The following CACNA2D3 variants were observed in gnomAD, a reference collection of about 807,000 sequenced individuals.
The protein encoded by CACNA2D3 is voltage-dependent calcium channel subunit alpha-2/delta-3.
A neutral mutation model predicts 160.6 loss-of-function variants in CACNA2D3; 60 were observed. The observed-to-expected ratio is 0.37, with a 90% CI of 0.30 to 0.46. The LOEUF is 0.46. Ranked by LOEUF, CACNA2D3 falls within the 20% of genes least tolerant of loss-of-function variation. The pLI is 1.00. For missense variants in CACNA2D3, 1,205 were observed against 1,365.0 expected, an observed-to-expected ratio of 0.88 and a Z score of 1.85; for synonymous variants, 558 against 492.9, an observed-to-expected ratio of 1.13 and a Z score of -1.75.
At chr3:54,546,283 A>T (rs1218071880) in intron 5 of CACNA2D3, among the ~76,000 whole-genome samples, 2 of 152,084 alleles carry the variant, frequency 1.3e-5, no homozygotes, top group African/African-American at 4.8e-5. Flanking sequence ...CCACAAAACC[A>T]TTTTTACCCC....
Position 54,664,154 on chromosome 3 carries a change from T to C in CACNA2D3, c.1167+21913T>C, listed in dbSNP as rs951947284. On this transcript the variant is annotated intron_variant, in intron 11 of 37. Coordinates refer to ENST00000474759, the MANE Select transcript of CACNA2D3 (RefSeq NM_018398.3). ...CCAGCTTCAGGCCTTCTGGGGTAGC[T>C]TTCTGGAATGCTATCTTGGATAGGC... Among the ~76,000 whole-genome samples the C allele has an allele frequency of 3.3e-5, 5 of 152,310 alleles. No homozygotes were observed. In the East Asian group the frequency reaches 9.7e-4, roughly 29 times the overall value.
At chr3:54,164,866 C>T (rs982572510) in intron 2 of CACNA2D3, among the ~76,000 whole-genome samples, 2 of 152,198 alleles carry the variant, frequency 1.3e-5, no homozygotes, top group Non-Finnish European at 2.9e-5. Flanking sequence ...GTTAGTTTCC[C>T]TTTCGTGATT....
intron 24 of CACNA2D3, among the ~76,000 whole-genome samples, chr3:54,891,028 A>G (rs1175188983): frequency 6.6e-6 from 1 of 152,148 alleles, no homozygotes; most frequent in African/African-American, 2.4e-5. Context: ...GATCTCTTTG[A>G]ACTTGCACCC....
intron 11 of CACNA2D3, among the ~76,000 whole-genome samples, chr3:54,706,062 A>G (rs559887504): frequency 4.5e-4 from 68 of 152,346 alleles, no homozygotes; most frequent in African/African-American, 1.6e-3. Flanking sequence ...CATAAGGCCA[A>G]ATCAACTGGA....
At chr3:55,003,006 C>T (rs1281785296) in intron 31 of CACNA2D3, among the ~76,000 whole-genome samples, 2 of 152,256 alleles carry the variant, frequency 1.3e-5, no homozygotes, top group East Asian at 3.9e-4. Flanking sequence ...AAACTGAATG[C>T]CTTCTGTATG....
At chr3:54,464,767 G>T (rs1176959884) in intron 4 of CACNA2D3, among the ~76,000 whole-genome samples, 1 of 152,154 alleles carries the variant, frequency 6.6e-6, no homozygotes, top group Admixed American at 6.5e-5. Flanking sequence ...CTAGCGCACG[G>T]TGCGCTGCAC....
At chr3:54,466,407 G>A (rs2106860777) in intron 4 of CACNA2D3, among the ~76,000 whole-genome samples, 1 of 152,156 alleles carries the variant, frequency 6.6e-6, no homozygotes, top group Non-Finnish European at 1.5e-5. Flanking sequence ...ACCCATTGTT[G>A]TAAAGAAACC....
chr3:54,849,786 A>C (rs541090443), intron 17 of CACNA2D3, among the ~76,000 whole-genome samples: 1 of 152,276 alleles, frequency 6.6e-6, no homozygotes, highest in Admixed American at 6.5e-5. Context: ...AGGACACAGC[A>C]AGCTGACTTA....
intron 13 of CACNA2D3, among the ~76,000 whole-genome samples, chr3:54,785,512 T>C (rs902278779): frequency 6.6e-6 from 1 of 152,214 alleles, no homozygotes; most frequent in Non-Finnish European, 1.5e-5. Context: ...TGGGAACAGA[T>C]CTCTTATGTT....
chr3:54,307,298 G>A (rs760503570), intron 2 of CACNA2D3, among the ~76,000 whole-genome samples: 6 of 152,144 alleles, frequency 3.9e-5, no homozygotes, highest in South Asian at 2.1e-4. Context: ...GCATCTCAGC[G>A]TAGGGATGGC....
chr3:54,698,555 C>T (rs889584755), intron 11 of CACNA2D3, among the ~76,000 whole-genome samples: 6 of 152,046 alleles, frequency 3.9e-5, no homozygotes, highest in African/African-American at 9.7e-5. Context: ...ATTTTGAAAA[C>T]GCTAAACACC....
intron 13 of CACNA2D3, among the ~76,000 whole-genome samples, chr3:54,815,984 G>T (rs1258682695): frequency 1.3e-5 from 2 of 152,184 alleles, no homozygotes; most frequent in Non-Finnish European, 2.9e-5. Context: ...TAATACTGTG[G>T]AATTAAACCG....
chr3:54,933,760 C>CTT (rs34842038), intron 27 of CACNA2D3, among the ~76,000 whole-genome samples: 2 of 141,170 alleles, frequency 1.4e-5, no homozygotes, highest in Non-Finnish European at 3.1e-5. Flanking sequence ...ATTACTATTA[C>CTT]TTTTTTTTTT....
intron 27 of CACNA2D3, among the ~76,000 whole-genome samples, chr3:54,934,753 G>T (rs1701287447): frequency 1.3e-5 from 2 of 152,080 alleles, no homozygotes; most frequent in Non-Finnish European, 2.9e-5. Flanking sequence ...TTTTTGTTGA[G>T]ACAGAGTGTC....
At chr3:54,926,847 G>A (rs1159288796) in intron 27 of CACNA2D3, among the ~76,000 whole-genome samples, 1 of 151,768 alleles carries the variant, frequency 6.6e-6, no homozygotes, top group South Asian at 2.1e-4. Flanking sequence ...TGCAGGAACT[G>A]GGAGAGGGTC....
At chr3:54,238,738 C>T (rs182692787) in intron 2 of CACNA2D3, among the ~76,000 whole-genome samples, 108 of 152,278 alleles carry the variant, frequency 7.1e-4, no homozygotes, top group African/African-American at 2.4e-3. Flanking sequence ...ATGAAGACCC[C>T]TAAACAGAAG....
At chr3:54,224,944 T>TC (rs1479872291) in intron 2 of CACNA2D3, among the ~76,000 whole-genome samples, 3 of 151,034 alleles carry the variant, frequency 2.0e-5, no homozygotes, top group Non-Finnish European at 4.4e-5. Flanking sequence ...GAATATCTTT[T>TC]TTTTTTTTTT....
intron 2 of CACNA2D3, among the ~76,000 whole-genome samples, chr3:54,200,258 G>T (rs1354401959): frequency 6.6e-6 from 1 of 152,210 alleles, no homozygotes; most frequent in Non-Finnish European, 1.5e-5. Flanking sequence ...GGTTGGGTGG[G>T]TAGTCCATCC....
Position 54,768,891 on chromosome 3 carries a change from C to T in CACNA2D3, c.1380+4540C>T, listed in dbSNP as rs114756072. Among the ~76,000 whole-genome samples the T allele has an allele frequency of 3.5e-3, 528 of 152,214 alleles. 2 individuals are homozygous for T. The highest frequency in any genetic ancestry group is 0.012 in the African/African-American group (501 of 41,532). On this transcript the variant is annotated intron_variant, in intron 13 of 37. Coordinates refer to ENST00000474759, the MANE Select transcript of CACNA2D3 (RefSeq NM_018398.3). Reference sequence around the variant, plus strand: ...AAATTGCCCTAATAAATACATCTCCCGGTAGAATGTTCTGAGGGTTCCTTC... The same window carrying T: ...AAATTGCCCTAATAAATACATCTCCTGGTAGAATGTTCTGAGGGTTCCTTC...
Sources: gnomAD v4.1 joint callset for allele counts (sites outside exome capture counted in the v4.1 genomes callset) on GRCh38, gnomAD v4.1.1 for gene constraint, MANE v1.5 for transcripts, NCBI Gene and HGNC (gene_info 2026-07-23, HGNC 2026-07-21) for gene names.